The following OCIAD1 variants were observed in gnomAD, a reference collection of about 807,000 sequenced individuals.
OCIAD1 encodes OCIA domain-containing protein 1.
A neutral mutation model predicts 38.9 loss-of-function variants in OCIAD1; 29 were observed. That is an observed-to-expected ratio of 0.74 (90% CI 0.55 to 1.02). The LOEUF (loss-of-function observed/expected upper bound fraction) is 1.02. Among genes scored for constraint, OCIAD1 ranks in the 50% least tolerant of loss-of-function variants. OCIAD1 has a pLI of 0.00. For synonymous variants in OCIAD1, 110 were observed against 92.0 expected (o/e 1.20, Z -1.12); for missense variants, 288 against 289.6 (o/e 0.99, Z 0.04).
At chr4:48,849,158 G>A (rs1473865463) in intron 5 of OCIAD1, among the ~76,000 whole-genome samples, 2 of 152,180 alleles carry the variant, frequency 1.3e-5, no homozygotes, top group African/African-American at 4.8e-5. Flanking sequence ...GGTGACGGGA[G>A]TGGGGAGGGA....
intron 1 of OCIAD1, among the ~76,000 whole-genome samples, chr4:48,815,267 C>T (rs1446714395): frequency 6.6e-6 from 1 of 151,994 alleles, no homozygotes; most frequent in Non-Finnish European, 1.5e-5. Flanking sequence ...GATCTGAGGT[C>T]GCGCCACACT....
intron 6 of OCIAD1, 134 bp from the exon 7 acceptor site, chr4:48,851,672 T>A (rs532580610): frequency 6.5e-5 from 30 of 459,978 alleles, no homozygotes; most frequent in Middle Eastern, 5.7e-4. Flanking sequence ...CAAGACCCTG[T>A]CTCAAAAAAA....
intron 1 of OCIAD1, among the ~76,000 whole-genome samples, chr4:48,808,659 C>T (rs1777055753): frequency 6.6e-6 from 1 of 152,136 alleles, no homozygotes; most frequent in South Asian, 2.1e-4. Flanking sequence ...GAATGCAGCC[C>T]TCACCGTACA....
intron 7 of OCIAD1, 168 bp from the exon 8 acceptor site, chr4:48,857,041 AGTTT>A: frequency 2.8e-6 from 1 of 359,440 alleles, no homozygotes; most frequent in Non-Finnish European, 5.1e-6. Context: ...AGTAGATTTC[AGTTT>A]GATGATTATC....
intron 1 of OCIAD1, among the ~76,000 whole-genome samples, chr4:48,816,053 T>C (rs918191057): frequency 2.6e-4 from 40 of 152,348 alleles, no homozygotes; most frequent in African/African-American, 9.1e-4. Flanking sequence ...CTACTTTGTC[T>C]TTCTGTCACA....
chr4:48,827,633 G>A (rs1216293788), upstream of OCIAD1, among the ~76,000 whole-genome samples: 1 of 152,220 alleles, frequency 6.6e-6, no homozygotes. Flanking sequence ...TTACTTGAAT[G>A]TTTTAGAATC....
intron 3 of OCIAD1, among the ~76,000 whole-genome samples, chr4:48,837,575 G>A (rs755313391): frequency 1.3e-5 from 2 of 151,596 alleles, no homozygotes; most frequent in Non-Finnish European, 2.9e-5. Flanking sequence ...ACAAGCATGA[G>A]CCACTGTGCC....
At chr4:48,825,099 G>C (rs1280372474) in intron 1 of OCIAD1, among the ~76,000 whole-genome samples, 1 of 152,200 alleles carries the variant, frequency 6.6e-6, no homozygotes, top group Non-Finnish European at 1.5e-5. Context: ...TATGAGAGCA[G>C]ATCCCCTGCA....
rs767560656 is a variant in OCIAD1 at position 48,857,371 on chromosome 4, A to C, written c.700+6A>C. The C allele has an allele frequency of 1.3e-6, 2 of 1,532,366 alleles. No individual in the cohort carries two copies. Among genetic ancestry groups the C allele is most frequent in the African/African-American group, 2.8e-5 (2 of 71,128 alleles). 94.9% of individuals were successfully genotyped at this position (1,532,366 alleles called of 1,614,324 possible). On this transcript the variant is annotated splice_donor_region_variant and intron_variant, in intron 8 of 8. Transcript: ENST00000264312. ...AAGAGTGCCAAAAAAAGAAGGTATGATAGTTTAGTCTGAATCACTTTACTG... is the reference window on the plus strand; with the variant it reads ...AAGAGTGCCAAAAAAAGAAGGTATGCTAGTTTAGTCTGAATCACTTTACTG...
At chr4:48,812,462 G>A (rs1263038120) in intron 1 of OCIAD1, among the ~76,000 whole-genome samples, 2 of 151,478 alleles carry the variant, frequency 1.3e-5, no homozygotes, top group African/African-American at 2.4e-5. Flanking sequence ...AGAAAGACAA[G>A]AAAGAACCAG....
At chr4:48,820,808 G>A (rs1777186321) in intron 1 of OCIAD1, among the ~76,000 whole-genome samples, 2 of 152,082 alleles carry the variant, frequency 1.3e-5, no homozygotes, top group African/African-American at 2.4e-5. Context: ...AGAAGAAATG[G>A]ATAAATTCCT....
At chr4:48,829,170 G>A (rs1242895807), upstream of OCIAD1, among the ~76,000 whole-genome samples, 4 of 151,924 alleles carry the variant, frequency 2.6e-5, no homozygotes, top group Non-Finnish European at 5.9e-5. Flanking sequence ...TGAGGCACAA[G>A]AATTGCTTGA....
At chr4:48,847,532 T>A (rs536934907) in intron 4 of OCIAD1, among the ~76,000 whole-genome samples, 36 of 152,296 alleles carry the variant, frequency 2.4e-4, no homozygotes, top group South Asian at 1.0e-3. Flanking sequence ...TAAAATTTTT[T>A]AAAAAAATCT....
At position 48,847,052 on chromosome 4, in the gene OCIAD1, T is replaced by C. The variant is rs138352463; in HGVS notation, c.194-1347T>C. Among the ~76,000 whole-genome samples, 78 of 152,344 alleles carry C rather than the reference T, an allele frequency of 5.1e-4. No individual in the cohort carries two copies. In the East Asian group the frequency reaches 0.014, roughly 27 times the overall value. On this transcript the variant is annotated intron_variant, in intron 4 of 8. Transcript: ENST00000264312. ...TATATTTATTTAGCTTTAGTAGATA[T>C]TACCAAACTATTTAGACCAATGTAT...
chr4:48,818,736 T>G (rs1777164671), intron 1 of OCIAD1, among the ~76,000 whole-genome samples: 2 of 152,038 alleles, frequency 1.3e-5, no homozygotes, highest in South Asian at 4.1e-4. Context: ...ATAAATGACC[T>G]TATGGAGCTG....
upstream of OCIAD1, chr4:48,805,160 A>T (rs1171008224): frequency 6.6e-6 from 1 of 152,042 alleles, no homozygotes; most frequent in Non-Finnish European, 1.5e-5. Context: ...CAAATCAGTC[A>T]CTCTGCAGAA....
Position 48,857,332 on chromosome 4 carries a change from A to G in OCIAD1, c.667A>G (p.Arg223Gly), listed in dbSNP as rs747460718. The change falls in exon 8 of 9, where the codon AGG becomes GGG. Residue 223 changes from arginine (R) to glycine (G), a missense_variant. Physicochemically the swap from Arg to Gly is moderately radical, Grantham distance 125. Coordinates refer to ENST00000264312, the MANE Select transcript of OCIAD1 (RefSeq NM_017830.4). ...SLTQKTDPSV[R>G]PMHERVPKKE... ...AACACAAAAGACTGACCCCTCAGTC[A>G]GGCCTATGCATGAAAGAGTGCCAAA... 5.1e-6 allele frequency: 8 copies of G among 1,584,078 alleles called. No individual in the cohort carries two copies. The Admixed American group carries it at 1.4e-4, about 29-fold the overall frequency.
At chr4:48,841,020 CATAAA>C (rs1041953821) in intron 3 of OCIAD1, among the ~76,000 whole-genome samples, 4 of 151,888 alleles carry the variant, frequency 2.6e-5, no homozygotes, top group African/African-American at 9.7e-5. Flanking sequence ...TGTCTAAAAA[CATAAA>C]ATAAGATAAA....
intron 4 of OCIAD1, among the ~76,000 whole-genome samples, chr4:48,845,762 T>A (rs1158803383): frequency 6.6e-6 from 1 of 152,232 alleles, no homozygotes; most frequent in Non-Finnish European, 1.5e-5. Flanking sequence ...TCCAGGAAAC[T>A]GGGACATTAT....
Sources: allele counts gnomAD v4.1 joint callset (sites outside exome capture counted in the v4.1 genomes callset), GRCh38; gene constraint gnomAD v4.1.1; transcripts MANE v1.5; gene names NCBI Gene and HGNC (gene_info 2026-07-23, HGNC 2026-07-21).